Variants in HAND1 observed in about 807,000 individuals in gnomAD.
HAND1 encodes the protein heart- and neural crest derivatives-expressed protein 1.
In HAND1, 10 loss-of-function variants were observed where a neutral mutation model predicts 14.5. The observed-to-expected ratio is 0.69, with a 90% CI of 0.42 to 1.17. The LOEUF (loss-of-function observed/expected upper bound fraction) is 1.17, where lower values mean the gene tolerates loss of function less well. Among genes scored for constraint, HAND1 ranks in the 50% most tolerant of loss-of-function variants. HAND1 has a pLI of 0.00. For missense variants in HAND1, 299 were observed against 298.4 expected (o/e 1.00, Z -0.01); for synonymous variants, 128 against 127.1 (o/e 1.01, Z -0.05).
At chr5:154,476,004 G>A (rs894056294) in intron 1 of HAND1, 94 bp from the exon 2 acceptor site, 1 of 899,100 alleles carries the variant, frequency 1.1e-6, no homozygotes, top group African/African-American at 1.6e-5. Context: ...GAGGAGGAGG[G>A]GAAGGTGTCG....
rs927946172 is a variant in HAND1, at chr5:154,476,819, C to A, written c.543+647G>T. 3.3e-5 allele frequency among the ~76,000 whole-genome samples: 5 copies of A among 152,218 alleles called. No individual in the cohort carries two copies. The South Asian group carries it at 1.0e-3, about 31-fold the overall frequency. On this transcript the variant is annotated intron_variant, in intron 1 of 1. Coordinates refer to ENST00000231121, the MANE Select transcript of HAND1 (RefSeq NM_004821.3). Reference sequence around the variant, plus strand: ...GAGGATCAAGAAGGCCAAGACGAGACTGCGCTCTCCAAAGCTAAAAGAAGT... The same window carrying A: ...GAGGATCAAGAAGGCCAAGACGAGAATGCGCTCTCCAAAGCTAAAAGAAGT...
In HAND1 at chr5:154,478,080, G is replaced by T; in HGVS notation, c.-72C>A. The stretch of plus-strand genomic sequence containing the variant: ...CCATGCGCCCCAGAGACTGCCGGGG[G>T]CCACCTGTGGGCTCTGGAGCCACTA... On this transcript the variant is annotated 5_prime_UTR_variant, in exon 1 of 2. Coordinates refer to ENST00000231121, the MANE Select transcript of HAND1 (RefSeq NM_004821.3). The surrounding 1 kb of genome is among the most constrained non-coding windows in gnomAD (Gnocchi z 4.5). 1 of 1,560,410 alleles carries T rather than the reference G, an allele frequency of 6.4e-7. No homozygotes were observed. The highest frequency in any genetic ancestry group is 1.1e-5 in the South Asian group (1 of 89,844).
rs562993925 is a variant in HAND1 at position 154,475,425 on chromosome 5, G to A, written c.*381C>T. On this transcript the variant is annotated 3_prime_UTR_variant, in exon 2 of 2. Coordinates refer to ENST00000231121, the MANE Select transcript of HAND1 (RefSeq NM_004821.3). Reference sequence around the variant, plus strand: ...GCGGATCATATGGAGGGACAAGAGAGAAAGAGCCAGATAGGGAAATGGAGA... The same window carrying A: ...GCGGATCATATGGAGGGACAAGAGAAAAAGAGCCAGATAGGGAAATGGAGA... The A allele has an allele frequency of 5.9e-5, 14 of 238,446 alleles. No individual in the cohort carries two copies. In the South Asian group the frequency reaches 7.3e-4, roughly 12 times the overall value. 14.8% of individuals were successfully genotyped at this position (238,446 alleles called of 1,614,324 possible).
chr5:154,477,710 G>T lies in HAND1; in HGVS notation c.299C>A (p.Pro100His). The T allele has an allele frequency of 1.2e-6, 2 of 1,614,058 alleles. No individual in the cohort carries two copies. The highest frequency in any genetic ancestry group is 1.7e-6 in the Non-Finnish European group (2 of 1,180,030). The change falls in exon 1 of 2, where the codon CCC (proline) becomes CAC (histidine). Residue 100 changes from proline to histidine, a missense_variant. By Grantham distance (77) the Pro-to-His change is moderately conservative (BLOSUM62 -2). Coordinates refer to ENST00000231121, the MANE Select transcript of HAND1 (RefSeq NM_004821.3). ...GRLGRRKGSG[P>H]KKERRRTESI... Reference sequence around the variant, plus strand: ...CTCAGTGCGTCTCCGCTCCTTCTTGGGTCCTGAGCCTTTCCGCCGGCCAAG... The same window carrying T: ...CTCAGTGCGTCTCCGCTCCTTCTTGTGTCCTGAGCCTTTCCGCCGGCCAAG...
rs1032605244 is a variant in HAND1 at position 154,475,430 on chromosome 5, A to G, written c.*376T>C. On this transcript the variant is annotated 3_prime_UTR_variant, in exon 2 of 2. Transcript: ENST00000231121. Reference sequence around the variant, plus strand: ...TCATATGGAGGGACAAGAGAGAAAGAGCCAGATAGGGAAATGGAGATAGGG... The same window carrying G: ...TCATATGGAGGGACAAGAGAGAAAGGGCCAGATAGGGAAATGGAGATAGGG... The G allele has an allele frequency of 5.7e-5, 14 of 246,492 alleles. No homozygotes were observed. The highest frequency in any genetic ancestry group is 1.0e-4 in the Non-Finnish European group (13 of 124,870). The allele number at this position is 246,492 out of a possible 1,614,324, so 15.3% of individuals were successfully genotyped here.
intron 1 of HAND1, among the ~76,000 whole-genome samples, chr5:154,476,814 C>T (rs114166829): frequency 2.3e-3 from 345 of 152,296 alleles, no homozygotes; most frequent in Non-Finnish European, 3.4e-3. Context: ...AAGGCCAAGA[C>T]GAGACTGCGC....
Position 154,477,683 on chromosome 5 carries a change from C to G in HAND1, c.326G>C (p.Ser109Thr). 6.2e-7 allele frequency: 1 copy of G among 1,614,236 alleles called. No individual in the cohort carries two copies. The highest frequency in any genetic ancestry group is 1.1e-5 in the South Asian group (1 of 91,090). Residue 109 changes from serine (S) to threonine (T), a missense_variant, in exon 1 of 2, where the codon AGC becomes ACC. By Grantham distance (58) the Ser-to-Thr change is moderately conservative. Coordinates refer to ENST00000231121, the MANE Select transcript of HAND1 (RefSeq NM_004821.3). ...CAACTCCGCGAATGCGCTGTTAATG[C>G]TCTCAGTGCGTCTCCGCTCCTTCTT... ...GPKKERRRTESINSAFAELRE... is the reference protein window; with the variant it reads ...GPKKERRRTETINSAFAELRE...
At chr5:154,477,170 G>A (rs908783607) in intron 1 of HAND1, among the ~76,000 whole-genome samples, 2 of 152,136 alleles carry the variant, frequency 1.3e-5, no homozygotes, top group Admixed American at 6.5e-5. Flanking sequence ...AATGAATCAG[G>A]ACTTCTCCAA....
chr5:154,475,855 C>A lies in HAND1; in HGVS notation c.599G>T (p.Gly200Val). 1 of 1,614,132 alleles carries A rather than the reference C, an allele frequency of 6.2e-7. No individual in the cohort carries two copies. The highest frequency in any genetic ancestry group is 8.5e-7 in the Non-Finnish European group (1 of 1,180,006). ...GACTTGCTGCGGCCAGCCGGTGCGT[C>A]CTTTAATCCTCTTCTCGACTGGGCC... ...ALGPVEKRIK[G>V]RTGWPQQVWA... is the part of the protein sequence containing the mutation. Residue 200 changes from glycine (G) to valine (V), a missense_variant, in exon 2 of 2, where the codon GGA (glycine) becomes GTA (valine). Transcript: ENST00000231121.
chr5:154,477,373 A>T (rs1188404893), intron 1 of HAND1, 93 bp downstream of exon 1: 1 of 1,009,766 alleles, frequency 9.9e-7, no homozygotes, highest in East Asian at 2.4e-5. Context: ...AATCGGACAC[A>T]GGACAACACA....
Position 154,477,862 on chromosome 5 carries a change from C to A in HAND1, c.147G>T (p.Pro49=). The change falls in exon 1 of 2, where the codon CCG becomes CCT. Residue 49 remains proline, a synonymous_variant. Coordinates refer to ENST00000231121, the MANE Select transcript of HAND1 (RefSeq NM_004821.3). ...RPYFQSWLLS[P]ADAAPDFPAG... ...CAGGGAAGTCCGGGGCAGCGTCAGC[C>A]GGGCTCAGCAGCCAGCTCTGGAAGT... The A allele has an allele frequency of 1.2e-6, 2 of 1,601,808 alleles. No individual in the cohort carries two copies. Among genetic ancestry groups the A allele is most frequent in the Non-Finnish European group, 1.7e-6 (2 of 1,179,682 alleles).
Position 154,478,222 on chromosome 5 carries a change from C to G in HAND1, c.-214G>C. ...GCCGAAGCCCAAAGACCTGTTTAACCCTTCTGCGGACTCCCCTGCGGATCT... is the reference window on the plus strand; with the variant it reads ...GCCGAAGCCCAAAGACCTGTTTAACGCTTCTGCGGACTCCCCTGCGGATCT... On this transcript the variant is annotated 5_prime_UTR_variant, in exon 1 of 2. Transcript: ENST00000231121. The surrounding 1 kb of genome is among the most constrained non-coding windows in gnomAD (Gnocchi z 4.5). 1 of 605,978 alleles carries G rather than the reference C, an allele frequency of 1.7e-6. No homozygotes were observed. The highest frequency in any genetic ancestry group is 2.9e-6 in the Non-Finnish European group (1 of 342,604). 37.5% of individuals were successfully genotyped at this position (605,978 alleles called of 1,614,324 possible). A position where few individuals can be genotyped will look rare whatever the true frequency, so the allele number is the denominator to read the frequency against.
In HAND1 at chr5:154,475,737, G is replaced by C. The variant is rs1012948443; in HGVS notation, c.*69C>G. 20 of 1,157,816 alleles carry C rather than the reference G, an allele frequency of 1.7e-5. No homozygotes were observed. The Admixed American group carries it at 2.6e-4, about 15-fold the overall frequency. 71.7% of individuals were successfully genotyped at this position (1,157,816 alleles called of 1,614,324 possible). On this transcript the variant is annotated 3_prime_UTR_variant, in exon 2 of 2. Coordinates refer to ENST00000231121, the MANE Select transcript of HAND1 (RefSeq NM_004821.3). Reference sequence around the variant, plus strand: ...CGGAGCCCAGAGCCTGGCGTTCGCCGCTGCCTTCCTCTCCTCCCGGGGCTT... The same window carrying C: ...CGGAGCCCAGAGCCTGGCGTTCGCCCCTGCCTTCCTCTCCTCCCGGGGCTT...
chr5:154,477,200 G>T (rs921394700), intron 1 of HAND1, among the ~76,000 whole-genome samples: 1 of 152,240 alleles, frequency 6.6e-6, no homozygotes, highest in African/African-American at 2.4e-5. Context: ...AAAACCTGTG[G>T]TGTGTGCATT....
At chr5:154,476,990 C>T (rs1396910931) in intron 1 of HAND1, among the ~76,000 whole-genome samples, 1 of 152,166 alleles carries the variant, frequency 6.6e-6, no homozygotes, top group Non-Finnish European at 1.5e-5. Flanking sequence ...CTTTTCCTGC[C>T]CCGACCCACT....
In HAND1 at chr5:154,475,565, C is replaced by G. The variant is rs983744060; in HGVS notation, c.*241G>C. On this transcript the variant is annotated 3_prime_UTR_variant, in exon 2 of 2. Coordinates refer to ENST00000231121, the MANE Select transcript of HAND1 (RefSeq NM_004821.3). The stretch of plus-strand genomic sequence containing the variant: ...CCGCCAAGGGCCGCCCTCGGTTGGG[C>G]TGGGGGTGGATATATATATATTTCT... 3.7e-6 allele frequency: 2 copies of G among 539,728 alleles called. No homozygotes were observed. Among genetic ancestry groups the G allele is most frequent in the Non-Finnish European group, 6.7e-6 (2 of 299,006 alleles). 33.4% of individuals were successfully genotyped at this position (539,728 alleles called of 1,614,324 possible).
At position 154,478,050 on chromosome 5, in the gene HAND1, C is replaced by T. The variant is rs1374652189; in HGVS notation, c.-42G>A. On this transcript the variant is annotated 5_prime_UTR_variant, in exon 1 of 2. Transcript: ENST00000231121. This position sits in a 1 kb window ranked among gnomAD's most constrained non-coding sequence, Gnocchi z 4.5. ...GCCTGCGCCGCCAGCCCTATTAACG[C>T]CGCTCCATGCGCCCCAGAGACTGCC... 6.3e-7 allele frequency: 1 copy of T among 1,595,298 alleles called. No individual in the cohort carries two copies. Among genetic ancestry groups the T allele is most frequent in the Non-Finnish European group, 8.5e-7 (1 of 1,178,992 alleles).
At chr5:154,476,037 A>C (rs1757536199) in intron 1 of HAND1, 127 bp from the exon 2 acceptor site, 1 of 749,154 alleles carries the variant, frequency 1.3e-6, no homozygotes, top group South Asian at 1.5e-5. Context: ...GGGAGTCTTT[A>C]AATAAGTGAC....
rs1757529885 is a variant in HAND1, at chr5:154,475,709, C to A, written c.*97G>T. 2 of 898,532 alleles carry A rather than the reference C, an allele frequency of 2.2e-6. No homozygotes were observed. The highest frequency in any genetic ancestry group is 1.4e-5 in the South Asian group (1 of 73,174). The allele number at this position is 898,532 out of a possible 1,614,324, so 55.7% of individuals were successfully genotyped here. On this transcript the variant is annotated 3_prime_UTR_variant, in exon 2 of 2. Transcript: ENST00000231121. ...GCTCCGCGGGATGCGTAGCACCAGT[C>A]GCCGGAGCCCAGAGCCTGGCGTTCG...
Sources: allele counts gnomAD v4.1 joint callset (sites outside exome capture counted in the v4.1 genomes callset), GRCh38; gene constraint gnomAD v4.1.1; non-coding constraint Gnocchi (gnomAD v3.1); transcripts MANE v1.5; gene names NCBI Gene and HGNC (gene_info 2026-07-23, HGNC 2026-07-21).